Variants in PRKAG2 observed in about 807,000 individuals in gnomAD.
PRKAG2 encodes the protein 5'-AMP-activated protein kinase subunit gamma-2.
In PRKAG2, 26 loss-of-function variants were observed where a neutral mutation model predicts 69.6. That is an observed-to-expected ratio of 0.37 (90% CI 0.27 to 0.52). The LOEUF is 0.52. PRKAG2 is among the 20% of genes least tolerant of loss of function. The pLI, the probability that PRKAG2 is intolerant of heterozygous loss-of-function variation, is 0.90. For synonymous variants in PRKAG2, 293 were observed against 285.0 expected (o/e 1.03, Z -0.28); for missense variants, 557 against 740.0 (o/e 0.75, Z 2.87).
intron 3 of PRKAG2, among the ~76,000 whole-genome samples, chr7:151,731,186 G>A (rs574207326): frequency 2.6e-5 from 4 of 152,174 alleles, no homozygotes; most frequent in Non-Finnish European, 4.4e-5. Context: ...ACCCTTTGTC[G>A]ACATAATCTG....
At chr7:151,838,523 C>G (rs1249366301) in intron 1 of PRKAG2, among the ~76,000 whole-genome samples, 1 of 151,552 alleles carries the variant, frequency 6.6e-6, no homozygotes, top group Non-Finnish European at 1.5e-5. Context: ...CCCTGGGCAA[C>G]ATGGTAAAAC....
intron 3 of PRKAG2, among the ~76,000 whole-genome samples, chr7:151,695,149 T>C (rs185274395): frequency 2.4e-4 from 36 of 152,296 alleles, no homozygotes; most frequent in Admixed American, 2.2e-3. Context: ...ACAGGGGGGT[T>C]GGGGGTGTGT....
At chr7:151,663,292 G>A (rs1293421088) in intron 4 of PRKAG2, among the ~76,000 whole-genome samples, 2 of 152,302 alleles carry the variant, frequency 1.3e-5, no homozygotes, top group Non-Finnish European at 2.9e-5. Flanking sequence ...AGCAGAGTGT[G>A]TAATTCTATA....
intron 3 of PRKAG2, among the ~76,000 whole-genome samples, chr7:151,738,834 C>CTG (rs1354831388): frequency 6.6e-6 from 1 of 152,206 alleles, no homozygotes; most frequent in African/African-American, 2.4e-5. Context: ...CTCTATATTT[C>CTG]TGTGTGTGTG....
intron 1 of PRKAG2, among the ~76,000 whole-genome samples, chr7:151,852,685 C>T: frequency 6.6e-6 from 1 of 152,006 alleles, no homozygotes; most frequent in East Asian, 1.9e-4. Context: ...GCCAACCCCA[C>T]ACGCCTGAGG....
chr7:151,736,383 CTT>C (rs34632609), intron 3 of PRKAG2: 164,810 of 878,738 alleles, frequency 0.19, 4,445 homozygotes, highest in African/African-American at 0.36. Context: ...CTCTCCAGGG[CTT>C]TTTTTTTTTT....
At chr7:151,686,462 C>A (rs1332725603) in intron 3 of PRKAG2, among the ~76,000 whole-genome samples, 1 of 152,136 alleles carries the variant, frequency 6.6e-6, no homozygotes, top group African/African-American at 2.4e-5. Flanking sequence ...AGGAATGACT[C>A]TCCCTGCAGC....
chr7:151,564,348 C>G (rs1405817145), intron 13 of PRKAG2, 124 bp from the exon 14 acceptor site: 20 of 997,288 alleles, frequency 2.0e-5, no homozygotes, highest in Middle Eastern at 2.9e-4. Flanking sequence ...TTAGTACCTG[C>G]ATACATCAGA....
chr7:151,645,168 T>G (rs1403059275), intron 4 of PRKAG2, among the ~76,000 whole-genome samples: 1 of 152,180 alleles, frequency 6.6e-6, no homozygotes, highest in East Asian at 1.9e-4. Flanking sequence ...CCAACAGTAT[T>G]CAGCACAGGT....
chr7:151,678,162 A>G (rs1833252841), intron 3 of PRKAG2, among the ~76,000 whole-genome samples: 1 of 152,168 alleles, frequency 6.6e-6, no homozygotes, highest in South Asian at 2.1e-4. Flanking sequence ...CCAAACTCAT[A>G]AAGCCTTTTC....
intron 1 of PRKAG2, among the ~76,000 whole-genome samples, chr7:151,831,165 G>T (rs890160611): frequency 6.6e-5 from 10 of 152,164 alleles, no homozygotes; most frequent in African/African-American, 2.2e-4. Context: ...TGCCAGCTTG[G>T]AAAACTGCCT....
At chr7:151,591,054 GTGCCACC>G (rs1813003874) in intron 6 of PRKAG2, among the ~76,000 whole-genome samples, 1 of 152,170 alleles carries the variant, frequency 6.6e-6, no homozygotes, top group African/African-American at 2.4e-5. Flanking sequence ...GATTTGTCAT[GTGCCACC>G]TGCACATTCC....
At chr7:151,681,345 C>T (rs774768756) in intron 3 of PRKAG2, among the ~76,000 whole-genome samples, 8 of 152,206 alleles carry the variant, frequency 5.3e-5, no homozygotes, top group African/African-American at 1.7e-4. Flanking sequence ...CTTCCTGTTC[C>T]TTCCAGAGCT....
intron 5 of PRKAG2, 150 bp from the exon 6 acceptor site, chr7:151,595,604 T>C (rs1814297804): frequency 1.5e-6 from 1 of 675,500 alleles, no homozygotes; most frequent in South Asian, 1.6e-5. Context: ...GGATGCTCAC[T>C]CTCACTAATT....
chr7:151,824,800 A>G (rs1474839867), intron 1 of PRKAG2, among the ~76,000 whole-genome samples: 3 of 152,290 alleles, frequency 2.0e-5, no homozygotes, highest in African/African-American at 7.2e-5. Flanking sequence ...ACGTGGGGCC[A>G]CTTACTACCC....
chr7:151,819,035 T>A (rs1563726977), intron 1 of PRKAG2, among the ~76,000 whole-genome samples: 1 of 152,220 alleles, frequency 6.6e-6, no homozygotes, highest in Non-Finnish European at 1.5e-5. Context: ...GGCTTGTCAA[T>A]CAGCTCCCTG....
At chr7:151,712,187 C>T (rs1173308807) in intron 3 of PRKAG2, among the ~76,000 whole-genome samples, 1 of 152,254 alleles carries the variant, frequency 6.6e-6, no homozygotes, top group Non-Finnish European at 1.5e-5. Flanking sequence ...CACGTGCCCT[C>T]CTGGCACCCA....
chr7:151,852,882 G>A (rs895618780), intron 1 of PRKAG2, among the ~76,000 whole-genome samples: 1 of 152,190 alleles, frequency 6.6e-6, no homozygotes, highest in Non-Finnish European at 1.5e-5. Flanking sequence ...GCCCCATAAG[G>A]GGTCAGGAGG....
chr7:151,754,484 G>C (rs566814104), intron 3 of PRKAG2, among the ~76,000 whole-genome samples: 1 of 151,178 alleles, frequency 6.6e-6, no homozygotes, highest in African/African-American at 2.5e-5. Context: ...GTGAGCGGGG[G>C]GCCCAGGGTG....
Sources: gnomAD v4.1 joint callset for allele counts (sites outside exome capture counted in the v4.1 genomes callset) on GRCh38, gnomAD v4.1.1 for gene constraint, MANE v1.5 for transcripts, NCBI Gene and HGNC (gene_info 2026-07-23, HGNC 2026-07-21) for gene names.